Variants in DACH2 observed in about 807,000 individuals in gnomAD.
The protein encoded by DACH2 is dachshund homolog 2.
In DACH2, 17 loss-of-function variants were observed where a neutral mutation model predicts 35.8. The ratio of observed to expected loss-of-function variants is 0.48; its 90% CI spans 0.33 to 0.71. The LOEUF is 0.71. DACH2 is among the 30% of genes least tolerant of loss of function. The pLI is 0.02. For synonymous variants in DACH2, 195 were observed against 177.3 expected, an observed-to-expected ratio of 1.10 and a Z score of -0.79; for missense variants, 469 against 472.7, an observed-to-expected ratio of 0.99 and a Z score of 0.07.
intron 7 of DACH2, among the ~76,000 whole-genome samples, chrX:86,768,371 A>G (rs967239249): frequency 9.0e-6 from 1 of 111,627 alleles, no homozygotes; most frequent in Non-Finnish European, 1.9e-5. Context: ...CTTTGTGTGG[A>G]TAATTAAGAA....
chrX:86,167,103 C>T (rs768902608), intron 1 of DACH2, among the ~76,000 whole-genome samples: 2 of 111,347 alleles, frequency 1.8e-5, no homozygotes, highest in African/African-American at 6.5e-5. Context: ...CCCTCCTCTT[C>T]TATTTTTCGG....
intron 3 of DACH2, among the ~76,000 whole-genome samples, chrX:86,571,879 A>ATG (rs1033307593): frequency 8.1e-5 from 9 of 111,266 alleles, no homozygotes; most frequent in Admixed American, 7.7e-4. Flanking sequence ...CTTCCAGTGC[A>ATG]TGGACATATA....
intron 7 of DACH2, among the ~76,000 whole-genome samples, 174 bp from the exon 8 acceptor site, chrX:86,812,682 T>A (rs2042405912): frequency 8.9e-6 from 1 of 112,209 alleles, no homozygotes; most frequent in Non-Finnish European, 1.9e-5. Context: ...TTTACTGAAA[T>A]ATTTATTTTT....
intron 7 of DACH2, among the ~76,000 whole-genome samples, chrX:86,763,001 G>T (rs1045204839): frequency 1.8e-5 from 2 of 110,486 alleles, no homozygotes; most frequent in African/African-American, 6.6e-5. Flanking sequence ...CACTCTCTAT[G>T]TACATGAGCA....
chrX:86,462,310 G>T (rs1229227555), intron 2 of DACH2, among the ~76,000 whole-genome samples: 1 of 111,431 alleles, frequency 9.0e-6, no homozygotes, highest in African/African-American at 3.2e-5. Context: ...TTAGGCTAGA[G>T]CACATTCCTT....
chrX:86,192,337 A>G (rs973909008), intron 1 of DACH2, among the ~76,000 whole-genome samples: 12 of 112,120 alleles, frequency 1.1e-4, no homozygotes, highest in African/African-American at 3.9e-4. Flanking sequence ...CTTACAAATA[A>G]CAGGTGCTCA....
chrX:86,151,500 G>T (rs2030365968), intron 1 of DACH2, among the ~76,000 whole-genome samples: 1 of 110,998 alleles, frequency 9.0e-6, no homozygotes, highest in Non-Finnish European at 1.9e-5. Context: ...CATCAGTGAA[G>T]ATGAGGAAAA....
At chrX:86,227,498 G>T (rs1465811686) in intron 1 of DACH2, among the ~76,000 whole-genome samples, 3 of 111,219 alleles carry the variant, frequency 2.7e-5, no homozygotes, top group Admixed American at 9.6e-5. Context: ...ACATCAAAAG[G>T]TACTCATTCA....
rs1227244298 is a variant in DACH2 at position 86,464,911 on chromosome X, A to T, written c.528-49368A>T. On this transcript the variant is annotated intron_variant, in intron 2 of 11. Coordinates refer to ENST00000373125, the MANE Select transcript of DACH2 (RefSeq NM_053281.3). Reference sequence around the variant, plus strand: ...TCAATATTATACATTTTTCCTAAGTACCAATTTTGTACAACTCATAATTCA... The same window carrying T: ...TCAATATTATACATTTTTCCTAAGTTCCAATTTTGTACAACTCATAATTCA... Among the ~76,000 whole-genome samples, 6 of 111,680 alleles carry T rather than the reference A, an allele frequency of 5.4e-5. No homozygotes were observed. The East Asian group carries it at 1.7e-3, about 32-fold the overall frequency.
At chrX:86,360,405 T>C (rs1214264249) in intron 1 of DACH2, among the ~76,000 whole-genome samples, 1 of 111,779 alleles carries the variant, frequency 8.9e-6, no homozygotes, top group African/African-American at 3.2e-5. Flanking sequence ...TATACACATA[T>C]ACATATATTC....
rs774866414 is a variant in DACH2 at position 86,501,336 on chromosome X, GT to G, written c.528-12940del. ...AAAATTTAAAGGAAGCTGTCAAAGA[GT>G]TTACACTCTTTCATGGCTAATATTA... On this transcript the variant is annotated intron_variant, in intron 2 of 11. Transcript: ENST00000373125. 2.7e-4 allele frequency among the ~76,000 whole-genome samples: 30 copies of G among 111,390 alleles called. No homozygotes were observed. The South Asian group carries it at 0.011, about 42-fold the overall frequency.
chrX:86,405,283 T>A (rs938688033), intron 2 of DACH2, among the ~76,000 whole-genome samples: 1 of 111,986 alleles, frequency 8.9e-6, no homozygotes, highest in Non-Finnish European at 1.9e-5. Flanking sequence ...GCTGCAAATT[T>A]TCCAAACTTT....
chrX:86,662,483 C>T (rs1346740864), intron 4 of DACH2, among the ~76,000 whole-genome samples: 2 of 110,741 alleles, frequency 1.8e-5, no homozygotes, highest in Non-Finnish European at 3.8e-5. Context: ...CCTGTAGTCC[C>T]AGCTAGTCGG....
intron 7 of DACH2, among the ~76,000 whole-genome samples, chrX:86,794,304 A>T (rs1306377109): frequency 9.0e-6 from 1 of 110,655 alleles, no homozygotes; most frequent in Non-Finnish European, 1.9e-5. Context: ...TGTCAGTATT[A>T]TTATGAGTAA....
At chrX:86,781,047 G>A (rs2042084772) in intron 7 of DACH2, among the ~76,000 whole-genome samples, 1 of 111,327 alleles carries the variant, frequency 9.0e-6, no homozygotes, top group South Asian at 3.8e-4. Flanking sequence ...GCTTCATCAC[G>A]GTTCTCCCAC....
At chrX:86,268,012 T>C (rs195045) in intron 1 of DACH2, among the ~76,000 whole-genome samples, 32,987 of 111,165 alleles carry the variant, frequency 0.3, 4,246 homozygotes, top group African/African-American at 0.49. Context: ...TATGTCTATG[T>C]GTTTGTAATT....
chrX:86,774,667 C>T, intron 7 of DACH2, among the ~76,000 whole-genome samples: 1 of 111,837 alleles, frequency 8.9e-6, no homozygotes, highest in Middle Eastern at 4.6e-3. Flanking sequence ...TAGTGCTTTC[C>T]CACTACAAGC....
chrX:86,638,058 AC>A (rs199563672), intron 3 of DACH2, among the ~76,000 whole-genome samples: 33,868 of 110,303 alleles, frequency 0.31, 4,201 homozygotes, highest in Middle Eastern at 0.42. Context: ...TGGTGTTAAA[AC>A]AGACACAGAG....
intron 1 of DACH2, among the ~76,000 whole-genome samples, chrX:86,188,687 A>G (rs2031748093): frequency 8.9e-6 from 1 of 111,982 alleles, no homozygotes. Flanking sequence ...AATGGAAGCA[A>G]GAGGTTGGAG....
Sources: allele counts gnomAD v4.1 joint callset (sites outside exome capture counted in the v4.1 genomes callset), GRCh38; gene constraint gnomAD v4.1.1; transcripts MANE v1.5; gene names NCBI Gene and HGNC (gene_info 2026-07-23, HGNC 2026-07-21).